CDH23: variants seen among roughly 807,000 people sequenced by gnomAD.
The protein encoded by CDH23 is cadherin related 23, also known as cadherin-23.
A neutral mutation model predicts 317.1 loss-of-function variants in CDH23; 189 were observed. The ratio of observed to expected loss-of-function variants is 0.60; its 90% CI spans 0.53 to 0.67. CDH23 has a LOEUF of 0.67. Among genes scored for constraint, CDH23 ranks in the 30% least tolerant of loss-of-function variants. The pLI, the probability that CDH23 is intolerant of heterozygous loss-of-function variation, is 0.00. For synonymous variants in CDH23, 1,839 were observed against 1,876.8 expected, an observed-to-expected ratio of 0.98 and a Z score of 0.52; for missense variants, 4,401 against 4,592.4, an observed-to-expected ratio of 0.96 and a Z score of 1.20.
At chr10:71,536,555 T>G (rs550507563) in intron 6 of CDH23, among the ~76,000 whole-genome samples, 4 of 151,810 alleles carry the variant, frequency 2.6e-5, no homozygotes, top group Non-Finnish European at 4.4e-5. Flanking sequence ...AAACAGGAAA[T>G]GAGTGGACAA....
chr10:71,724,233 C>T, intron 29 of CDH23, 128 bp downstream of exon 29: 1 of 916,862 alleles, frequency 1.1e-6, no homozygotes, highest in Non-Finnish European at 1.7e-6. Context: ...TGGGGCGAGG[C>T]CAGAGGGAGG....
chr10:71,805,480 C>G (rs919468860), intron 55 of CDH23, among the ~76,000 whole-genome samples: 4 of 152,212 alleles, frequency 2.6e-5, no homozygotes, highest in African/African-American at 9.7e-5. Flanking sequence ...TCCCCAAAAC[C>G]TCAGCATGCA....
chr10:71,762,760 T>G (rs984139282), intron 38 of CDH23, among the ~76,000 whole-genome samples: 2 of 152,158 alleles, frequency 1.3e-5, no homozygotes, highest in African/African-American at 2.4e-5. Flanking sequence ...AGTGTGAAAA[T>G]GGGAAAACCC....
At chr10:71,725,933 C>T (rs1232405594) in intron 30 of CDH23, among the ~76,000 whole-genome samples, 3 of 151,036 alleles carry the variant, frequency 2.0e-5, no homozygotes, top group East Asian at 1.9e-4. Flanking sequence ...AGGACTGGAG[C>T]CCCCATCTTC....
intron 41 of CDH23, 56 bp downstream of exon 41, chr10:71,779,503 G>GA: frequency 6.9e-7 from 1 of 1,459,164 alleles, no homozygotes; most frequent in Non-Finnish European, 9.2e-7. Context: ...ACCCGCTCAG[G>GA]GGAGGATAAG....
At chr10:71,550,566 AAAAAAAAAAAAG>A (rs1233881003) in intron 6 of CDH23, among the ~76,000 whole-genome samples, 2 of 112,384 alleles carry the variant, frequency 1.8e-5, no homozygotes, top group African/African-American at 6.4e-5. Context: ...TCTCAAAAAA[AAAAAAAAAAAAG>A]AAAAAAGAAA....
chr10:71,740,804 T>C lies in CDH23; in HGVS notation c.4489-18T>C. 6.2e-7 allele frequency: 1 copy of C among 1,613,624 alleles called. No individual in the cohort carries two copies. The highest frequency in any genetic ancestry group is 1.1e-5 in the South Asian group (1 of 91,086). ...CGCCACGCTTTAGCCCTGACTCCAG[T>C]TGCCCTCCTCCTTGCAGGTTGTGGC... On this transcript the variant is annotated intron_variant, in intron 36 of 69. Coordinates refer to ENST00000224721, the MANE Select transcript of CDH23 (RefSeq NM_022124.6).
At chr10:71,491,988 C>T (rs1852688525) in intron 3 of CDH23, among the ~76,000 whole-genome samples, 1 of 152,220 alleles carries the variant, frequency 6.6e-6, no homozygotes, top group African/African-American at 2.4e-5. Context: ...CGCTGCCCAG[C>T]ACAGCTTCAC....
chr10:71,675,091 T>G (rs1165979029), intron 14 of CDH23, 21 bp from the exon 15 acceptor site: 1 of 1,612,716 alleles, frequency 6.2e-7, no homozygotes, highest in African/African-American at 1.3e-5. Flanking sequence ...CAGTAATGAC[T>G]TCTTGTTCTC....
chr10:71,778,400 G>A, intron 40 of CDH23, 92 bp downstream of exon 40: 1 of 1,512,508 alleles, frequency 6.6e-7, no homozygotes, highest in Non-Finnish European at 9.0e-7. Context: ...GTTAGGGGAA[G>A]ATTGTCTGAG....
chr10:71,760,267 ACATATATATG>A (rs1174395716), intron 38 of CDH23, among the ~76,000 whole-genome samples: 1 of 114,544 alleles, frequency 8.7e-6, no homozygotes, highest in South Asian at 2.8e-4. Context: ...ATATGTATAT[ACATATATATG>A]TATGTATATA....
intron 6 of CDH23, among the ~76,000 whole-genome samples, chr10:71,556,163 GA>G (rs1370723494): frequency 2.6e-5 from 4 of 152,182 alleles, no homozygotes; most frequent in Non-Finnish European, 5.9e-5. Flanking sequence ...TTTAAAGAGA[GA>G]AAGTTTGTTG....
At chr10:71,488,769 A>G (rs1852489286) in intron 3 of CDH23, among the ~76,000 whole-genome samples, 1 of 152,060 alleles carries the variant, frequency 6.6e-6, no homozygotes, top group Non-Finnish European at 1.5e-5. Context: ...TTTTTTTCCT[A>G]CTTATCCCTA....
intron 28 of CDH23, chr10:71,713,057 C>G: frequency 2.7e-6 from 2 of 738,704 alleles, no homozygotes; most frequent in South Asian, 2.9e-5. Context: ...AGGAGGAAGA[C>G]TTGGCCTCCC....
At chr10:71,665,343 C>T (rs1863841575) in intron 14 of CDH23, among the ~76,000 whole-genome samples, 1 of 152,208 alleles carries the variant, frequency 6.6e-6, no homozygotes, top group Non-Finnish European at 1.5e-5. Flanking sequence ...CCTCCCACTA[C>T]CCCTGTGTGA....
chr10:71,660,964 A>G (rs1459145640), intron 14 of CDH23, among the ~76,000 whole-genome samples: 2 of 152,004 alleles, frequency 1.3e-5, no homozygotes, highest in Admixed American at 6.5e-5. Context: ...TGTGTTATCG[A>G]AGCCTCATGA....
At chr10:71,586,573 C>T (rs1170481264) in intron 9 of CDH23, among the ~76,000 whole-genome samples, 1 of 152,138 alleles carries the variant, frequency 6.6e-6, no homozygotes, top group Non-Finnish European at 1.5e-5. Flanking sequence ...TGCCTTACCT[C>T]GCCTTACCCA....
At chr10:71,648,944 C>A (rs1399020012) in intron 14 of CDH23, among the ~76,000 whole-genome samples, 1 of 152,188 alleles carries the variant, frequency 6.6e-6, no homozygotes, top group African/African-American at 2.4e-5. Context: ...GGAGTTCAGG[C>A]CCTGCAGGGA....
At chr10:71,574,227 A>C (rs912056025) in intron 8 of CDH23, among the ~76,000 whole-genome samples, 2 of 151,074 alleles carry the variant, frequency 1.3e-5, no homozygotes, top group African/African-American at 4.9e-5. Flanking sequence ...TCCCCCTATC[A>C]GCGTATCAGG....
Sources: allele counts gnomAD v4.1 joint callset (sites outside exome capture counted in the v4.1 genomes callset), GRCh38; gene constraint gnomAD v4.1.1; transcripts MANE v1.5; gene names NCBI Gene and HGNC (gene_info 2026-07-23, HGNC 2026-07-21).